RIMBP2: variants seen among roughly 807,000 people sequenced by gnomAD.
RIMBP2 encodes the protein RIMS binding protein 2, also known as RIMS-binding protein 2.
A neutral mutation model predicts 118.6 loss-of-function variants in RIMBP2; 48 were observed. That is an observed-to-expected ratio of 0.40 (90% confidence interval 0.32 to 0.51). RIMBP2 has a LOEUF of 0.51. Ranked by LOEUF, RIMBP2 falls within the 20% of genes least tolerant of loss-of-function variation. RIMBP2 has a pLI of 0.41. For missense variants in RIMBP2, 1,551 were observed against 1,768.3 expected (o/e 0.88, Z 2.20); for synonymous variants, 762 against 742.9 (o/e 1.03, Z -0.42).
chr12:130,459,737 T>G (rs1828765805), intron 6 of RIMBP2, among the ~76,000 whole-genome samples: 1 of 151,718 alleles, frequency 6.6e-6, no homozygotes, highest in Non-Finnish European at 1.5e-5. Flanking sequence ...GGGCAGGCTG[T>G]CTGCTCTCAC....
chr12:130,496,669 C>A (rs1207046296), intron 4 of RIMBP2, among the ~76,000 whole-genome samples: 1 of 152,110 alleles, frequency 6.6e-6, no homozygotes, highest in Non-Finnish European at 1.5e-5. Flanking sequence ...CTGGGCAGGC[C>A]CGCTCCCCAG....
chr12:130,500,370 A>G (rs1347498091), intron 4 of RIMBP2, among the ~76,000 whole-genome samples: 1 of 152,248 alleles, frequency 6.6e-6, no homozygotes, highest in Non-Finnish European at 1.5e-5. Flanking sequence ...AGGCAGGAGT[A>G]TCGCTTGAAC....
At chr12:130,588,184 C>T (rs1476969026) in intron 2 of RIMBP2, among the ~76,000 whole-genome samples, 2 of 152,158 alleles carry the variant, frequency 1.3e-5, no homozygotes, top group East Asian at 3.8e-4. Flanking sequence ...CTCCAGGAAG[C>T]CCTTCATTCC....
chr12:130,415,865 CA>C (rs1351855123), intron 17 of RIMBP2, among the ~76,000 whole-genome samples: 1 of 152,104 alleles, frequency 6.6e-6, no homozygotes, highest in Non-Finnish European at 1.5e-5. Context: ...TTTCAGGATA[CA>C]AAATCAATGT....
intron 2 of RIMBP2, among the ~76,000 whole-genome samples, chr12:130,606,021 C>A (rs977917020): frequency 4.0e-5 from 6 of 151,750 alleles, no homozygotes; most frequent in Non-Finnish European, 8.8e-5. Context: ...TAAGCCGAGA[C>A]CATGCAATTG....
chr12:130,466,102 G>GGATGTCTC (rs2080456058), intron 6 of RIMBP2: 1 of 152,220 alleles, frequency 6.6e-6, no homozygotes, highest in South Asian at 2.1e-4. Context: ...ATTATCTTGT[G>GGATGTCTC]GATGTCTCGA....
chr12:130,643,375 G>T (rs1421672303), intron 1 of RIMBP2, among the ~76,000 whole-genome samples: 2 of 152,312 alleles, frequency 1.3e-5, no homozygotes, highest in East Asian at 3.9e-4. Context: ...GAGGATGAAG[G>T]GCAGGAAGGC....
intron 1 of RIMBP2, among the ~76,000 whole-genome samples, chr12:130,633,053 A>G (rs1009928354): frequency 6.6e-6 from 1 of 152,166 alleles, no homozygotes; most frequent in Admixed American, 6.5e-5. Flanking sequence ...AGTTCATTTC[A>G]TCTGTTTACT....
At chr12:130,432,744 G>C (rs1452504710) in intron 14 of RIMBP2, among the ~76,000 whole-genome samples, 2 of 152,164 alleles carry the variant, frequency 1.3e-5, no homozygotes, top group African/African-American at 2.4e-5. Context: ...CTCGGCCCTG[G>C]ACTTCCAGCC....
In RIMBP2 at chr12:130,581,749, C is replaced by T. The variant is rs2058495233; in HGVS notation, c.-217+46573G>A. Among the ~76,000 whole-genome samples, 1 of 152,204 alleles carries T rather than the reference C, an allele frequency of 6.6e-6. No homozygotes were observed. The highest frequency in any genetic ancestry group is 1.5e-5 in the Non-Finnish European group (1 of 68,042). On this transcript the variant is annotated intron_variant, in intron 2 of 22. Transcript: ENST00000690449. This position sits in a 1 kb window ranked among gnomAD's most constrained non-coding sequence, Gnocchi z 4.4. Reference sequence around the variant, plus strand: ...TTCCTCGCCGGGTTATGAGAATGGCCTCTCAATGGGTTTCTCCTGGTCTGT... The same window carrying T: ...TTCCTCGCCGGGTTATGAGAATGGCTTCTCAATGGGTTTCTCCTGGTCTGT...
At chr12:130,428,810 C>T (rs2076962684) in intron 14 of RIMBP2, 1 of 153,034 alleles carries the variant, frequency 6.5e-6, no homozygotes, top group South Asian at 2.1e-4. Context: ...CATAAAAAGA[C>T]ACTTAGGCGG....
At position 130,414,278 on chromosome 12, in the gene RIMBP2, T is replaced by C; in HGVS notation, c.3267A>G (p.Pro1089=). 2 of 1,605,600 alleles carry C rather than the reference T, an allele frequency of 1.2e-6. No individual in the cohort carries two copies. Among genetic ancestry groups the C allele is most frequent in the Non-Finnish European group, 8.5e-7 (1 of 1,174,702 alleles). The change falls in exon 18 of 23, where the codon CCA becomes CCG. Residue 1089 remains proline, a synonymous_variant. Coordinates refer to ENST00000690449, the MANE Select transcript of RIMBP2 (RefSeq NM_001393629.1). The stretch of plus-strand genomic sequence containing the variant: ...CAGTTTCTGACTCTTCATAGAAGTC[T>C]GGAGAAAGGCGGTCTCGCCCGTAAT... ...IDDYGRDRLS[P]DFYEESETDP... is the part of the protein sequence containing the mutation.
chr12:130,517,676 G>A (rs761186101), intron 3 of RIMBP2, among the ~76,000 whole-genome samples, 152 bp downstream of exon 3: 80 of 152,162 alleles, frequency 5.3e-4, no homozygotes, highest in Non-Finnish European at 9.8e-4. Flanking sequence ...TGCTGGTCAT[G>A]TGAAGAAGTG....
chr12:130,589,613 C>A, intron 2 of RIMBP2, among the ~76,000 whole-genome samples: 1 of 152,116 alleles, frequency 6.6e-6, no homozygotes, highest in East Asian at 1.9e-4. Flanking sequence ...TTTGTTCTCA[C>A]CACAGAAAAA....
At chr12:130,436,656 A>G (rs1352989770) in intron 13 of RIMBP2, among the ~76,000 whole-genome samples, 186 bp downstream of exon 13, 2 of 152,202 alleles carry the variant, frequency 1.3e-5, no homozygotes. Flanking sequence ...CAAATAAAAA[A>G]CACCATTTAA....
chr12:130,403,427 A>C (rs986380717), intron 21 of RIMBP2, among the ~76,000 whole-genome samples: 7 of 151,572 alleles, frequency 4.6e-5, no homozygotes, highest in African/African-American at 1.7e-4. Flanking sequence ...AGAAACATGC[A>C]GACAAATTAG....
Position 130,630,706 on chromosome 12 carries a change from T to TA in RIMBP2, c.-351-2251dup, listed in dbSNP as rs35514847. On this transcript the variant is annotated intron_variant, in intron 1 of 22. Transcript: ENST00000690449. ...CCGTTAGAAAGAAGAGGTGGAATTT[T>TA]AAAAAGGAAAAAAATGGGTTAGGGC... 5.9e-5 allele frequency among the ~76,000 whole-genome samples: 9 copies of TA among 152,056 alleles called. No individual in the cohort carries two copies. The East Asian group carries it at 1.7e-3, about 29-fold the overall frequency.
chr12:130,650,472 G>A (rs1248328024), intron 1 of RIMBP2, among the ~76,000 whole-genome samples: 3 of 152,236 alleles, frequency 2.0e-5, no homozygotes, highest in South Asian at 2.1e-4. Flanking sequence ...CTTTATCTGT[G>A]GATTCAGCAG....
intron 2 of RIMBP2, among the ~76,000 whole-genome samples, chr12:130,557,367 A>G (rs1479451764): frequency 6.6e-6 from 1 of 152,222 alleles, no homozygotes; most frequent in Admixed American, 6.5e-5. Context: ...CAGTTGCTCC[A>G]GCAGCCCAAG....
Sources: gnomAD v4.1 joint callset for allele counts (sites outside exome capture counted in the v4.1 genomes callset) on GRCh38, gnomAD v4.1.1 for gene constraint, Gnocchi (gnomAD v3.1) non-coding constraint, MANE v1.5 for transcripts, NCBI Gene and HGNC (gene_info 2026-07-23, HGNC 2026-07-21) for gene names.